CHD7: variants seen among roughly 807,000 people sequenced by gnomAD.
CHD7 encodes the protein chromodomain helicase DNA binding protein 7, also known as ATP-dependent chromatin remodeler CHD7.
In CHD7, 24 loss-of-function variants were observed where a neutral mutation model predicts 307.3. The ratio of observed to expected loss-of-function variants is 0.08; its 90% CI spans 0.06 to 0.11. The LOEUF is 0.11. Among genes scored for constraint, CHD7 ranks in the 10% least tolerant of loss-of-function variants. The pLI, the probability that CHD7 is intolerant of heterozygous loss-of-function variation, is 1.00. For missense variants in CHD7, 3,106 were observed against 3,727.1 expected (o/e 0.83, Z 4.34); for synonymous variants, 1,363 against 1,349.9 (o/e 1.01, Z -0.21).
intron 6 of CHD7, among the ~76,000 whole-genome samples, chr8:60,807,388 A>G (rs1046936986): frequency 3.9e-5 from 6 of 152,232 alleles, no homozygotes; most frequent in African/African-American, 7.2e-5. Flanking sequence ...AGGAAATTAC[A>G]TATTATGACT....
chr8:60,835,456 G>C (rs1422991134), intron 15 of CHD7, among the ~76,000 whole-genome samples: 5 of 152,224 alleles, frequency 3.3e-5, no homozygotes, highest in Non-Finnish European at 7.3e-5. Flanking sequence ...AAAATTACCA[G>C]ATGGGAATGA....
At chr8:60,765,231 G>T (rs935804977) in intron 2 of CHD7, among the ~76,000 whole-genome samples, 4 of 134,906 alleles carry the variant, frequency 3.0e-5, no homozygotes, top group Non-Finnish European at 6.5e-5. Context: ...ACACACACAC[G>T]CACACGCATG....
Position 60,817,606 on chromosome 8 carries a change from G to A in CHD7, c.2613+1105G>A, listed in dbSNP as rs184764315. 2.0e-4 allele frequency among the ~76,000 whole-genome samples: 30 copies of A among 152,280 alleles called. 1 individual carries two copies. Among genetic ancestry groups the A allele is most frequent in the Admixed American group, 4.6e-4 (7 of 15,292 alleles). On this transcript the variant is annotated intron_variant, in intron 8 of 37. Transcript: ENST00000423902. Reference sequence around the variant, plus strand: ...TTTTGGCAGTGCAGTGTTTAGGACCGAGTGGAATGGAGTTACTCGAATGTG... The same window carrying A: ...TTTTGGCAGTGCAGTGTTTAGGACCAAGTGGAATGGAGTTACTCGAATGTG...
At chr8:60,810,876 A>T (rs1458012780) in intron 7 of CHD7, among the ~76,000 whole-genome samples, 1 of 152,200 alleles carries the variant, frequency 6.6e-6, no homozygotes, top group Non-Finnish European at 1.5e-5. Context: ...CTGGCCGCAC[A>T]GCAGGAGGTG....
rs767816305 is a variant in CHD7, at chr8:60,742,117, A to C, written c.685A>C (p.Thr229Pro). The change falls in exon 2 of 38, where the codon ACC becomes CCC. Residue 229 changes from threonine (T) to proline (P), a missense_variant. Coordinates refer to ENST00000423902, the MANE Select transcript of CHD7 (RefSeq NM_017780.4). ...CAATCAGGGAAATCCTTTTATTGCC[A>C]CCTCAGGACCTGGCCACTTGTCCCA... ...GLNQGNPFIATSGPGHLSHVP... is the reference protein window; with the variant it reads ...GLNQGNPFIAPSGPGHLSHVP... The C allele has an allele frequency of 6.2e-7, 1 of 1,613,862 alleles. No individual in the cohort carries two copies. Among genetic ancestry groups the C allele is most frequent in the South Asian group, 1.1e-5 (1 of 91,082 alleles).
intron 1 of CHD7, among the ~76,000 whole-genome samples, chr8:60,691,448 A>C (rs1033266382): frequency 6.6e-6 from 1 of 152,242 alleles, no homozygotes; most frequent in African/African-American, 2.4e-5. Flanking sequence ...TTACTTGTGC[A>C]TCTTTTACTC....
At chr8:60,699,331 T>C (rs1385358296) in intron 1 of CHD7, among the ~76,000 whole-genome samples, 1 of 152,156 alleles carries the variant, frequency 6.6e-6, no homozygotes, top group East Asian at 1.9e-4. Context: ...AGGGCATATC[T>C]ATTTTGTTCC....
chr8:60,731,828 C>T (rs1808470251), intron 1 of CHD7, among the ~76,000 whole-genome samples: 1 of 152,186 alleles, frequency 6.6e-6, no homozygotes, highest in Non-Finnish European at 1.5e-5. Context: ...AGTTTGAACT[C>T]CTGTTTGTAT....
At chr8:60,774,575 G>A (rs73684570) in intron 2 of CHD7, among the ~76,000 whole-genome samples, 119 of 152,260 alleles carry the variant, frequency 7.8e-4, no homozygotes, top group African/African-American at 2.7e-3. Context: ...TCGCCCATTG[G>A]TACCCCTGGG....
At chr8:60,823,019 T>A (rs941582274) in intron 12 of CHD7, among the ~76,000 whole-genome samples, 2 of 152,356 alleles carry the variant, frequency 1.3e-5, no homozygotes, top group East Asian at 1.9e-4. Context: ...TGCTTTGATA[T>A]GTTAATTAGT....
intron 1 of CHD7, among the ~76,000 whole-genome samples, chr8:60,691,568 T>C (rs192660275): frequency 6.6e-6 from 1 of 152,300 alleles, no homozygotes; most frequent in East Asian, 1.9e-4. Flanking sequence ...AAAAGTAAAG[T>C]CGTAGTTGGT....
chr8:60,832,103 C>T (rs1804545045), intron 15 of CHD7, among the ~76,000 whole-genome samples: 2 of 152,116 alleles, frequency 1.3e-5, no homozygotes, highest in South Asian at 4.1e-4. Flanking sequence ...CTCACTGCAG[C>T]CTCGACCTCC....
At chr8:60,699,516 T>TA (rs139210772) in intron 1 of CHD7, among the ~76,000 whole-genome samples, 3 of 151,416 alleles carry the variant, frequency 2.0e-5, no homozygotes, top group South Asian at 2.1e-4. Flanking sequence ...ACATTTCACT[T>TA]AAAAAAAAAT....
chr8:60,776,338 ATTTTATATCAAATAATTAAAG>A (rs1010368623), intron 2 of CHD7, among the ~76,000 whole-genome samples: 2 of 152,172 alleles, frequency 1.3e-5, no homozygotes, highest in African/African-American at 4.8e-5. Context: ...TGTGCTTTTT[ATTTTATATCAAATAATTAAAG>A]TTTATTACCC....
intron 2 of CHD7, among the ~76,000 whole-genome samples, chr8:60,779,380 G>A (rs897256057): frequency 2.6e-5 from 4 of 152,180 alleles, no homozygotes; most frequent in African/African-American, 9.7e-5. Flanking sequence ...GTTAGGAAGA[G>A]GTGGACAGAA....
intron 2 of CHD7, among the ~76,000 whole-genome samples, chr8:60,749,249 A>C (rs1011064656): frequency 1.3e-5 from 2 of 151,340 alleles, no homozygotes; most frequent in Non-Finnish European, 2.9e-5. Context: ...TGCATGCCTG[A>C]AATCCCAGCT....
chr8:60,786,799 G>T (rs917989404), intron 3 of CHD7, among the ~76,000 whole-genome samples: 1 of 152,196 alleles, frequency 6.6e-6, no homozygotes, highest in African/African-American at 2.4e-5. Flanking sequence ...ATGAAGTGCT[G>T]TTGAAAAATG....
At chr8:60,823,809 G>C in intron 12 of CHD7, 31 bp from the exon 13 acceptor site, 1 of 1,572,104 alleles carries the variant, frequency 6.4e-7, no homozygotes, top group Non-Finnish European at 8.8e-7. Context: ...AACCATTAAT[G>C]CTTAATAATA....
intron 21 of CHD7, among the ~76,000 whole-genome samples, chr8:60,842,934 T>C (rs1805036937): frequency 6.6e-6 from 1 of 152,178 alleles, no homozygotes. Flanking sequence ...TCTGTGTCTT[T>C]GCACAAGCTC....
Sources: allele counts gnomAD v4.1 joint callset (sites outside exome capture counted in the v4.1 genomes callset), GRCh38; gene constraint gnomAD v4.1.1; transcripts MANE v1.5; gene names NCBI Gene and HGNC (gene_info 2026-07-23, HGNC 2026-07-21).